The following CLASP1 variants were observed in gnomAD, a reference collection of about 807,000 sequenced individuals.
The protein encoded by CLASP1 is cytoplasmic linker associated protein 1.
Under a neutral mutation model 192.3 loss-of-function variants are expected in CLASP1, and 38 were observed. The ratio of observed to expected loss-of-function variants is 0.20; its 90% CI spans 0.15 to 0.26. The LOEUF (loss-of-function observed/expected upper bound fraction) is 0.26, where lower values mean the gene tolerates loss of function less well. Among genes scored for constraint, CLASP1 ranks in the 10% least tolerant of loss-of-function variants. The probability of loss-of-function intolerance (pLI) is 1.00; values close to 1 mark genes in which losing one functional copy is unlikely to be tolerated. For synonymous variants in CLASP1, 691 were observed against 712.8 expected (o/e 0.97, Z 0.49); for missense variants, 1,433 against 1,932.5 (o/e 0.74, Z 4.85).
chr2:121,587,684 A>T (rs1289292471), intron 2 of CLASP1, among the ~76,000 whole-genome samples: 1 of 151,834 alleles, frequency 6.6e-6, no homozygotes, highest in African/African-American at 2.4e-5. Context: ...TACAAAAATT[A>T]GATGGGTGTA....
chr2:121,418,847 G>A, intron 22 of CLASP1, 118 bp from the exon 23 acceptor site: 1 of 712,510 alleles, frequency 1.4e-6, no homozygotes, highest in African/African-American at 1.7e-5. Flanking sequence ...GCGCTGGGGA[G>A]TTCTGATGAC....
intron 2 of CLASP1, chr2:121,530,570 C>G (rs2094752585): frequency 5.6e-6 from 3 of 537,434 alleles, no homozygotes; most frequent in Non-Finnish European, 1.0e-5. Flanking sequence ...ACAGCGTAGC[C>G]AAACCCGGGT....
chr2:121,537,692 A>G (rs563008681), intron 2 of CLASP1, among the ~76,000 whole-genome samples: 5 of 152,342 alleles, frequency 3.3e-5, no homozygotes, highest in Middle Eastern at 3.4e-3. Flanking sequence ...AGAAAGTGAA[A>G]TAATTCTCAT....
At chr2:121,375,240 G>C (rs114746976) in intron 34 of CLASP1, among the ~76,000 whole-genome samples, 3,325 of 152,112 alleles carry the variant, frequency 0.022, 116 homozygotes, top group African/African-American at 0.076. Flanking sequence ...GTGAAGATGT[G>C]CTTGCTTCTC....
At chr2:121,567,249 G>A (rs2059587195) in intron 2 of CLASP1, among the ~76,000 whole-genome samples, 1 of 152,164 alleles carries the variant, frequency 6.6e-6, no homozygotes, top group Admixed American at 6.5e-5. Context: ...CTGTGGGCCA[G>A]GCACTGTCCT....
At chr2:121,592,660 GT>G (rs2062551343) in intron 2 of CLASP1, among the ~76,000 whole-genome samples, 1 of 151,690 alleles carries the variant, frequency 6.6e-6, no homozygotes, top group Non-Finnish European at 1.5e-5. Context: ...TTTTTTGTTT[GT>G]TTTTTTGTTT....
At chr2:121,476,349 T>C (rs903626166) in intron 8 of CLASP1, among the ~76,000 whole-genome samples, 3 of 152,040 alleles carry the variant, frequency 2.0e-5, no homozygotes, top group South Asian at 2.1e-4. Context: ...ATAGGGGAGA[T>C]ACCAAGCAAC....
At chr2:121,401,053 T>C (rs1315528683) in intron 28 of CLASP1, among the ~76,000 whole-genome samples, 2 of 152,228 alleles carry the variant, frequency 1.3e-5, no homozygotes, top group Admixed American at 6.5e-5. Context: ...CTACTGCAAA[T>C]GTGCTATTAA....
intron 1 of CLASP1, among the ~76,000 whole-genome samples, chr2:121,611,029 C>T (rs1332279900): frequency 1.6e-5 from 2 of 124,334 alleles, no homozygotes; most frequent in Non-Finnish European, 3.4e-5. Flanking sequence ...GGAAGAGGAA[C>T]TGGAGGAGGA....
intron 6 of CLASP1, among the ~76,000 whole-genome samples, chr2:121,520,118 G>A (rs999546991): frequency 2.6e-5 from 4 of 152,200 alleles, no homozygotes; most frequent in African/African-American, 9.7e-5. Flanking sequence ...ACTGCACACT[G>A]GAGGGTGTAG....
intron 2 of CLASP1, among the ~76,000 whole-genome samples, chr2:121,597,699 T>C (rs1368406539): frequency 6.6e-6 from 1 of 152,244 alleles, no homozygotes; most frequent in African/African-American, 2.4e-5. Context: ...CCTGTGGGAC[T>C]GTATTCACAA....
intron 30 of CLASP1, among the ~76,000 whole-genome samples, chr2:121,391,757 A>T (rs191296656): frequency 6.6e-6 from 1 of 152,250 alleles, no homozygotes; most frequent in Non-Finnish European, 1.5e-5. Context: ...TACAAAAATT[A>T]GCTGGGTGTG....
chr2:121,430,271 C>T (rs2081159074), intron 19 of CLASP1, 94 bp from the exon 20 acceptor site: 1 of 871,250 alleles, frequency 1.1e-6, no homozygotes, highest in Admixed American at 2.4e-5. Context: ...GGGGCACTGA[C>T]CAGCCAACTA....
exon 4 of CLASP1, chr2:121,528,761 G>A (rs749296722): frequency 6.2e-6 from 10 of 1,613,374 alleles, no homozygotes; most frequent in Non-Finnish European, 8.5e-6. Flanking sequence ...CTCCTAGTCT[G>A]TCTATTAGAC....
Position 121,557,528 on chromosome 2 carries a change from G to A in CLASP1, c.196-27203C>T, listed in dbSNP as rs2058681370. 4.0e-5 allele frequency among the ~76,000 whole-genome samples: 6 copies of A among 151,796 alleles called. No individual in the cohort carries two copies. In the South Asian group the frequency reaches 1.2e-3, roughly 32 times the overall value. On this transcript the variant is annotated intron_variant, in intron 2 of 39. Coordinates refer to ENST00000263710, the Ensembl canonical transcript of CLASP1. ...GAACCTGGGAGGCGGAGGTTGCAGT[G>A]ACCCAAGATCGCACCACTGCACTCC...
chr2:121,637,867 C>T lies in CLASP1; in HGVS notation c.-286+11505G>A, dbSNP rs546352858. On this transcript the variant is annotated intron_variant, in intron 1 of 39. Coordinates refer to ENST00000263710, the Ensembl canonical transcript of CLASP1. ...TGCCACCGCATCCTAGCCTGGGCGA[C>T]AGAGTGAGACTCCATCTCAAAAAAA... Among the ~76,000 whole-genome samples, 312 of 150,670 alleles carry T rather than the reference C, an allele frequency of 2.1e-3. 1 individual carries two copies. The highest frequency in any genetic ancestry group is 7.3e-3 in the African/African-American group (299 of 41,046).
At position 121,478,947 on chromosome 2, in the gene CLASP1, ACAC is replaced by A. The variant is rs2092275231; in HGVS notation, c.713-8990_713-8988del. On this transcript the variant is annotated intron_variant, in intron 8 of 39. Transcript: ENST00000263710. Reference sequence around the variant, plus strand: ...ACACCACACAACACCCCCCACACACACACCACACACACACACCACACACACCAC... The same window carrying A: ...ACACCACACAACACCCCCCACACACACACACACACACACCACACACACCAC... 1.0e-4 allele frequency among the ~76,000 whole-genome samples: 4 copies of A among 38,494 alleles called. No homozygotes were observed. The South Asian group carries it at 3.5e-3, about 34-fold the overall frequency. 25.3% of individuals were successfully genotyped at this position (38,494 alleles called of 152,430 possible).
chr2:121,369,366 A>C (rs2068101057), intron 34 of CLASP1, among the ~76,000 whole-genome samples: 1 of 152,358 alleles, frequency 6.6e-6, no homozygotes, highest in Admixed American at 6.5e-5. Flanking sequence ...ATCAAATCTT[A>C]ACAGAGGTTT....
At chr2:121,639,282 AAAAC>A (rs972634415) in intron 1 of CLASP1, among the ~76,000 whole-genome samples, 19 of 152,084 alleles carry the variant, frequency 1.2e-4, no homozygotes, top group Admixed American at 9.2e-4. Flanking sequence ...GTCTCAAAAA[AAAAC>A]AAACAAACAA....
Sources: allele counts gnomAD v4.1 joint callset (sites outside exome capture counted in the v4.1 genomes callset), GRCh38; gene constraint gnomAD v4.1.1; transcripts MANE v1.5; gene names NCBI Gene and HGNC (gene_info 2026-07-23, HGNC 2026-07-21).